Variants in ADNP observed in about 807,000 individuals in gnomAD.
The protein encoded by ADNP is activity-dependent neuroprotector homeobox protein.
A neutral mutation model predicts 84.9 loss-of-function variants in ADNP; 4 were observed. The observed-to-expected ratio is 0.05, with a 90% CI of 0.02 to 0.11. The LOEUF is 0.11. ADNP is among the 10% of genes least tolerant of loss of function. The pLI is 1.00. For missense variants in ADNP, 1,132 were observed against 1,326.0 expected (o/e 0.85, Z 2.27); for synonymous variants, 554 against 468.1 (o/e 1.18, Z -2.37).
At position 50,892,343 on chromosome 20, in the gene ADNP, C is replaced by T; in HGVS notation, c.2371G>A (p.Ala791Thr). The T allele has an allele frequency of 6.2e-7, 1 of 1,614,192 alleles. No homozygotes were observed. Among genetic ancestry groups the T allele is most frequent in the Non-Finnish European group, 8.5e-7 (1 of 1,180,034 alleles). ...PTRREIEKLA[A>T]SLWLWKSDIA... Reference sequence around the variant, plus strand: ...TCACTCTTCCATAACCATAAACTGGCTGCTAGCTTCTCAATTTCTCTCCTG... The same window carrying T: ...TCACTCTTCCATAACCATAAACTGGTTGCTAGCTTCTCAATTTCTCTCCTG... The change falls in exon 6 of 6, where the codon GCC becomes ACC. Residue 791 changes from alanine (A) to threonine (T), a missense_variant. Around this residue, in one of 10 missense-constraint regions of ADNP, gnomAD observed 41 missense variants for 78.4 expected, o/e 0.52. Coordinates refer to ENST00000621696, the MANE Select transcript of ADNP (RefSeq NM_001282531.3).
rs1980631701 is a variant in ADNP at position 50,890,963 on chromosome 20, A to G, written c.*442T>C. ...GACTGTACAAATATACATTTCAACT[A>G]TTCAGAATGAATACATGAAAAAAAA... On this transcript the variant is annotated 3_prime_UTR_variant, in exon 6 of 6. Transcript: ENST00000621696. 23 of 991,174 alleles carry G rather than the reference A, an allele frequency of 2.3e-5. 1 individual carries two copies. In the South Asian group the frequency reaches 8.9e-4, roughly 38 times the overall value. 61.4% of individuals were successfully genotyped at this position (991,174 alleles called of 1,614,324 possible).
chr20:50,899,789 T>TAA (rs35430512), intron 5 of ADNP, among the ~76,000 whole-genome samples: 11 of 130,880 alleles, frequency 8.4e-5, no homozygotes, highest in African/African-American at 2.6e-4. Flanking sequence ...TTTAAAAAGT[T>TAA]AAAAAAAAAA....
At chr20:50,905,855 G>C (rs1365484784) in intron 2 of ADNP, among the ~76,000 whole-genome samples, 1 of 152,140 alleles carries the variant, frequency 6.6e-6, no homozygotes, top group Admixed American at 6.5e-5. Context: ...TTGCTAAATT[G>C]TTTTAAACCA....
chr20:50,906,241 C>G (rs2122858397), intron 2 of ADNP, among the ~76,000 whole-genome samples: 1 of 152,034 alleles, frequency 6.6e-6, no homozygotes, highest in Non-Finnish European at 1.5e-5. Flanking sequence ...CATACAGTTA[C>G]TACAAACCAG....
chr20:50,916,266 G>A (rs1288627980), intron 2 of ADNP, among the ~76,000 whole-genome samples: 1 of 152,118 alleles, frequency 6.6e-6, no homozygotes, highest in Admixed American at 6.6e-5. Context: ...AAAAAAAGAT[G>A]CTCTGAAAGA....
intron 2 of ADNP, among the ~76,000 whole-genome samples, chr20:50,927,172 A>G (rs552131839): frequency 4.6e-5 from 7 of 152,282 alleles, no homozygotes; most frequent in African/African-American, 1.7e-4. Flanking sequence ...AATAGTATTA[A>G]AACTCTTCCT....
chr20:50,900,275 C>T (rs1981840741), intron 5 of ADNP, among the ~76,000 whole-genome samples: 1 of 152,070 alleles, frequency 6.6e-6, no homozygotes, highest in Non-Finnish European at 1.5e-5. Context: ...CTTATAGTAA[C>T]ATGCCATACA....
At chr20:50,914,318 T>C in intron 2 of ADNP, 1 of 684,932 alleles carries the variant, frequency 1.5e-6, no homozygotes, top group East Asian at 2.6e-5. Context: ...AATATTTACA[T>C]AGAGAATAAA....
At position 50,900,329 on chromosome 20, in the gene ADNP, G is replaced by A. The variant is rs553043116; in HGVS notation, c.201+1688C>T. Among the ~76,000 whole-genome samples the A allele has an allele frequency of 5.3e-5, 8 of 152,228 alleles. No homozygotes were observed. In the South Asian group the frequency reaches 1.7e-3, roughly 32 times the overall value. On this transcript the variant is annotated intron_variant, in intron 5 of 5. Coordinates refer to ENST00000621696, the MANE Select transcript of ADNP (RefSeq NM_001282531.3). ...AACAGGCCATACCATATAGCGTAGG[G>A]GTAATAGGAGGCTATACCACCTAGG...
rs56911332 is a variant in ADNP, at chr20:50,913,250, C to CAAAAAAAAAAAAAAAAAAAA, written c.-89-8421_-89-8402dup. On this transcript the variant is annotated intron_variant, in intron 2 of 5. Coordinates refer to ENST00000621696, the MANE Select transcript of ADNP (RefSeq NM_001282531.3). ...CCTGGGCAAGAGTGAGACTCTGTCT[C>CAAAAAAAAAAAAAAAAAAAA]AAAAAAAAAAAAAAAAAAAAAAAAA... Among the ~76,000 whole-genome samples, 21 of 42,902 alleles carry CAAAAAAAAAAAAAAAAAAAA rather than the reference C, an allele frequency of 4.9e-4. 3 individuals are homozygous for CAAAAAAAAAAAAAAAAAAAA. Among genetic ancestry groups the CAAAAAAAAAAAAAAAAAAAA allele is most frequent in the African/African-American group, 6.4e-4 (8 of 12,496 alleles). 28.1% of individuals were successfully genotyped at this position (42,902 alleles called of 152,430 possible).
intron 2 of ADNP, among the ~76,000 whole-genome samples, chr20:50,917,868 GA>G: frequency 6.6e-6 from 1 of 152,134 alleles, no homozygotes; most frequent in Non-Finnish European, 1.5e-5. Flanking sequence ...GGATATGATT[GA>G]ACCATGAAAA....
chr20:50,921,201 T>C (rs544314174), intron 2 of ADNP, among the ~76,000 whole-genome samples: 12 of 152,266 alleles, frequency 7.9e-5, no homozygotes, highest in Non-Finnish European at 1.5e-4. Context: ...GGGCATAACC[T>C]CTCCAAAAAG....
Position 50,892,977 on chromosome 20 carries a change from A to G in ADNP, c.1737T>C (p.Val579=), listed in dbSNP as rs763350233. 78 of 1,614,102 alleles carry G rather than the reference A, an allele frequency of 4.8e-5. No individual in the cohort carries two copies. Among genetic ancestry groups the G allele is most frequent in the Non-Finnish European group, 6.1e-5 (72 of 1,180,056 alleles). ...YNLRDAPAES[V]AYHAQNNPPV... is the part of the protein sequence containing the mutation. Reference sequence around the variant, plus strand: ...GAGGATTATTTTGGGCATGGTAAGCAACAGATTCAGCTGGGGCATCCCTCA... The same window carrying G: ...GAGGATTATTTTGGGCATGGTAAGCGACAGATTCAGCTGGGGCATCCCTCA... The change falls in exon 6 of 6, where the codon GTT becomes GTC. Residue 579 remains valine (V), a synonymous_variant. Transcript: ENST00000621696.
chr20:50,912,290 G>C (rs66588080), intron 2 of ADNP, among the ~76,000 whole-genome samples: 1 of 151,840 alleles, frequency 6.6e-6, no homozygotes, highest in Non-Finnish European at 1.5e-5. Context: ...GGGATTACAG[G>C]CACGCGCCAC....
Position 50,893,492 on chromosome 20 carries a change from T to G in ADNP, c.1222A>C (p.Lys408Gln), listed in dbSNP as rs1340230727. 5 of 1,613,888 alleles carry G rather than the reference T, an allele frequency of 3.1e-6. No homozygotes were observed. The highest frequency in any genetic ancestry group is 4.2e-6 in the Non-Finnish European group (5 of 1,180,024). ...NASSLSSGQL[K>Q]SPSLSQSQAS... The stretch of plus-strand genomic sequence containing the variant: ...TGTGACTGAGAGAGGGAAGGAGACT[T>G]TAACTGGCCCGATGAGAGAGAAGAG... The change falls in exon 6 of 6, where the codon AAG (lysine) becomes CAG (glutamine). Residue 408 changes from lysine to glutamine, a missense_variant. Lys to Gln is a moderately conservative substitution (Grantham distance 53, BLOSUM62 1). Around this residue, in one of 10 missense-constraint regions of ADNP, gnomAD observed 239 missense variants for 213.2 expected, o/e 1.12. Coordinates refer to ENST00000621696, the MANE Select transcript of ADNP (RefSeq NM_001282531.3). This position sits in a 1 kb window ranked among gnomAD's most constrained non-coding sequence, Gnocchi z 4.4.
intron 5 of ADNP, among the ~76,000 whole-genome samples, chr20:50,900,256 T>C (rs987154322): frequency 2.6e-5 from 4 of 152,198 alleles, no homozygotes; most frequent in Admixed American, 2.0e-4. Context: ...ATTCAGTATA[T>C]AGTATTCTCT....
In ADNP at chr20:50,889,496, G is replaced by A. The variant is rs1980424354; in HGVS notation, c.*1909C>T. 1 of 178,650 alleles carries A rather than the reference G, an allele frequency of 5.6e-6. No individual in the cohort carries two copies. The highest frequency in any genetic ancestry group is 6.2e-5 in the Admixed American group (1 of 16,074). 11.1% of individuals were successfully genotyped at this position (178,650 alleles called of 1,614,324 possible). The stretch of plus-strand genomic sequence containing the variant: ...AGCCCCAAATTCCTTAAAGGTTCTA[G>A]TCTACTCTTGCACTTCTTCCTGTAC... On this transcript the variant is annotated 3_prime_UTR_variant, in exon 6 of 6. Transcript: ENST00000621696.
chr20:50,898,637 T>TCTGTTTCCAGGTCAATCACTC (rs1981653090), intron 5 of ADNP, among the ~76,000 whole-genome samples: 1 of 152,186 alleles, frequency 6.6e-6, no homozygotes, highest in Non-Finnish European at 1.5e-5. Flanking sequence ...CTTAATCACT[T>TCTGTTTCCAGGTCAATCACTC]CTGTTTCCAG....
intron 2 of ADNP, among the ~76,000 whole-genome samples, chr20:50,909,948 C>T (rs73909831): frequency 0.091 from 13,814 of 152,140 alleles, 683 homozygotes; most frequent in African/African-American, 0.13. Context: ...CAGCTGTGCC[C>T]GAAGAACAGC....
Sources: gnomAD v4.1 joint callset for allele counts (sites outside exome capture counted in the v4.1 genomes callset) on GRCh38, gnomAD v4.1.1 for gene constraint, gnomAD v4.1.1 regional missense constraint, Gnocchi (gnomAD v3.1) non-coding constraint, MANE v1.5 for transcripts, NCBI Gene and HGNC (gene_info 2026-07-23, HGNC 2026-07-21) for gene names.